IFT122: variants seen among roughly 807,000 people sequenced by gnomAD.
IFT122 encodes intraflagellar transport 122.
In IFT122, 118 loss-of-function variants were observed where a neutral mutation model predicts 161.6. The ratio of observed to expected loss-of-function variants is 0.73; its 90% CI spans 0.63 to 0.85. The LOEUF is 0.85. IFT122 is among the 40% of genes least tolerant of loss of function. The probability of loss-of-function intolerance (pLI) is 0.00; values close to 1 mark genes in which losing one functional copy is unlikely to be tolerated. For missense variants in IFT122, 1,381 were observed against 1,579.6 expected (o/e 0.87, Z 2.13); for synonymous variants, 550 against 602.4 (o/e 0.91, Z 1.27).
intron 3 of IFT122, among the ~76,000 whole-genome samples, chr3:129,456,665 C>G (rs1473607808): frequency 6.6e-6 from 1 of 151,762 alleles, no homozygotes; most frequent in African/African-American, 2.4e-5. Flanking sequence ...TGACTCATGC[C>G]TGTAATCACA....
At position 129,488,260 on chromosome 3, in the gene IFT122, G is replaced by T; in HGVS notation, c.1855G>T (p.Ala619Ser). Reference sequence around the variant, plus strand: ...TTCCCTTGATGAAATCCTGCAGTCCGCTCCCATGTACCAGTACCTGGATAG... The same window carrying T: ...TTCCCTTGATGAAATCCTGCAGTCCTCTCCCATGTACCAGTACCTGGATAG... ...SISAVEVPQS[A>S]PMYQYLDRKL... The change falls in exon 16 of 30, where the codon GCT (alanine) becomes TCT (serine). Residue 619 changes from alanine (A) to serine (S), a missense_variant. By Grantham distance (99) the Ala-to-Ser change is moderately conservative. Around this residue, in one of 7 missense-constraint regions of IFT122, gnomAD observed 544 missense variants for 648.0 expected, o/e 0.84. Transcript: ENST00000348417. The T allele has an allele frequency of 6.2e-7, 1 of 1,614,056 alleles. No individual in the cohort carries two copies. The highest frequency in any genetic ancestry group is 8.5e-7 in the Non-Finnish European group (1 of 1,180,012).
chr3:129,486,919 G>A (rs930527040), intron 15 of IFT122, among the ~76,000 whole-genome samples: 3 of 152,198 alleles, frequency 2.0e-5, no homozygotes, highest in African/African-American at 7.2e-5. Context: ...CCCGCTAAAG[G>A]GAGCATTTAA....
At chr3:129,462,007 TGAG>T (rs547446076) in intron 5 of IFT122, among the ~76,000 whole-genome samples, 291 of 152,294 alleles carry the variant, frequency 1.9e-3, no homozygotes, top group African/African-American at 6.8e-3. Context: ...AGTCACTAGA[TGAG>T]GAGTCAGAGG....
chr3:129,444,800 G>A (rs56769711), intron 1 of IFT122, among the ~76,000 whole-genome samples: 5,798 of 152,226 alleles, frequency 0.038, 334 homozygotes, highest in African/African-American at 0.12. Flanking sequence ...GATTATAGGC[G>A]TGAGCCACCA....
chr3:129,464,904 T>C lies in IFT122; in HGVS notation c.563+123T>C, dbSNP rs2108121011. 6.4e-6 allele frequency: 7 copies of C among 1,091,824 alleles called. No individual in the cohort carries two copies. The South Asian group carries it at 8.0e-5, about 12-fold the overall frequency. 67.6% of individuals were successfully genotyped at this position (1,091,824 alleles called of 1,614,324 possible). A position where few individuals can be genotyped will look rare whatever the true frequency, so the allele number is the denominator to read the frequency against. On this transcript the variant is annotated intron_variant, in intron 7 of 29. Transcript: ENST00000348417. Reference sequence around the variant, plus strand: ...CACTTGAATGGTCTGTTTTAGAACCTGTCCCATTTGTATGGATTTTTTTTT... The same window carrying C: ...CACTTGAATGGTCTGTTTTAGAACCCGTCCCATTTGTATGGATTTTTTTTT...
In IFT122 at chr3:129,467,031, A is replaced by C. The variant is rs763131383; in HGVS notation, c.705A>C (p.Pro235=). The change falls in exon 8 of 30, where the codon CCA becomes CCC. Residue 235 remains proline, a synonymous_variant. Transcript: ENST00000348417. ...GTAGTGAGGCAGAGGAGGAAGAACCAGAGGAAGAGGACGACAGTCCCAGGG... is the reference window on the plus strand; with the variant it reads ...GTAGTGAGGCAGAGGAGGAAGAACCCGAGGAAGAGGACGACAGTCCCAGGG... The part of the protein sequence containing the change: ...SQGSEAEEEE[P]EEEDDSPRDD... 6.2e-7 allele frequency: 1 copy of C among 1,614,208 alleles called. No individual in the cohort carries two copies. The highest frequency in any genetic ancestry group is 2.2e-5 in the East Asian group (1 of 44,888).
chr3:129,478,182 C>T lies in IFT122; in HGVS notation c.1314C>T (p.Leu438=), dbSNP rs909018249. 1 of 1,614,188 alleles carries T rather than the reference C, an allele frequency of 6.2e-7. No individual in the cohort carries two copies. Among genetic ancestry groups the T allele is most frequent in the South Asian group, 1.1e-5 (1 of 91,078 alleles). ...TTATCAAGAAGTTTGAGTGCAACCT[C>T]CTGGTGGTGTGTGCCAATCACATCA... The part of the protein sequence containing the change: ...EKIIKKFECN[L]LVVCANHIIL... The change falls in exon 12 of 30, where the codon CTC becomes CTT. Residue 438 remains leucine, a synonymous_variant. Transcript: ENST00000348417.
intron 22 of IFT122, among the ~76,000 whole-genome samples, chr3:129,506,883 G>A (rs905610329): frequency 1.2e-4 from 19 of 152,188 alleles, no homozygotes; most frequent in African/African-American, 3.6e-4. Context: ...GAAGATGAAC[G>A]AGAGATGGCT....
intron 20 of IFT122, 156 bp from the exon 21 acceptor site, chr3:129,504,163 G>T: frequency 9.6e-5 from 59 of 617,560 alleles, no homozygotes; most frequent in Middle Eastern, 4.6e-4. Context: ...ATTTGTTTTT[G>T]CATTTCTGTG....
At chr3:129,471,468 G>T (rs1391025247) in intron 9 of IFT122, among the ~76,000 whole-genome samples, 2 of 152,158 alleles carry the variant, frequency 1.3e-5, no homozygotes, top group African/African-American at 2.4e-5. Flanking sequence ...CGAGGCACTG[G>T]ATGTGGGTAC....
In IFT122 at chr3:129,463,564, G is replaced by T. The variant is rs1445139408; in HGVS notation, c.354G>T (p.Leu118Phe). 6.2e-7 allele frequency: 1 copy of T among 1,613,482 alleles called. No individual in the cohort carries two copies. The highest frequency in any genetic ancestry group is 1.3e-5 in the African/African-American group (1 of 74,908). The part of the protein sequence containing the change: ...LASCSSSDFG[L>F]WSPEQKSVSK... ...TTATATTATTGTGCATTGAAGGGTT[G>T]TGGTCTCCTGAACAGAAGTCTGTCT... The change falls in exon 6 of 30, where the codon TTG becomes TTT. Residue 118 changes from leucine to phenylalanine, a missense_variant. By Grantham distance (22) the Leu-to-Phe change is conservative. Around this residue, in one of 7 missense-constraint regions of IFT122, gnomAD observed 3 missense variants for 18.8 expected, o/e 0.16. Transcript: ENST00000348417.
chr3:129,477,995 A>T (rs1423957905), intron 11 of IFT122, 21 bp from the exon 12 acceptor site: 1 of 1,603,738 alleles, frequency 6.2e-7, no homozygotes, highest in Non-Finnish European at 8.5e-7. Context: ...TGCTAGAACT[A>T]GATATTTTTT....
chr3:129,476,131 A>G (rs2077915160), intron 9 of IFT122, 184 bp from the exon 10 acceptor site: 4 of 667,732 alleles, frequency 6.0e-6, no homozygotes, highest in Non-Finnish European at 1.1e-5. Flanking sequence ...GTAGAGGATG[A>G]GTAGGGAGAT....
intron 13 of IFT122, among the ~76,000 whole-genome samples, chr3:129,481,190 C>T (rs975883808): frequency 3.3e-5 from 5 of 152,128 alleles, no homozygotes; most frequent in African/African-American, 7.2e-5. Context: ...TGTGTTAGTT[C>T]GTGACTCAGA....
intron 3 of IFT122, among the ~76,000 whole-genome samples, chr3:129,455,462 T>G (rs917035366): frequency 6.6e-6 from 1 of 152,164 alleles, no homozygotes; most frequent in Non-Finnish European, 1.5e-5. Context: ...TGAACCACCA[T>G]GCCTGGCCCA....
chr3:129,464,601 C>G (rs780092665), intron 6 of IFT122, 34 bp from the exon 7 acceptor site: 2 of 1,614,012 alleles, frequency 1.2e-6, no homozygotes, highest in South Asian at 2.2e-5. Context: ...GGTGCTTCCC[C>G]TATCCCCATG....
chr3:129,444,769 C>T (rs1234546625), intron 1 of IFT122, among the ~76,000 whole-genome samples: 2 of 152,284 alleles, frequency 1.3e-5, no homozygotes, highest in African/African-American at 4.8e-5. Flanking sequence ...ATCTGCCTGC[C>T]TCGGCCTCCC....
chr3:129,468,047 T>G (rs751459079), intron 8 of IFT122, among the ~76,000 whole-genome samples: 2 of 152,256 alleles, frequency 1.3e-5, no homozygotes, highest in Non-Finnish European at 2.9e-5. Context: ...ACTGGTGGGC[T>G]GGGCTCCTGG....
At position 129,476,485 on chromosome 3, in the gene IFT122, G is replaced by A; in HGVS notation, c.987G>A (p.Ala329=). 7 of 1,614,140 alleles carry A rather than the reference G, an allele frequency of 4.3e-6. No individual in the cohort carries two copies. The South Asian group carries it at 4.4e-5, about 10-fold the overall frequency. Residue 329 remains alanine (A), a synonymous_variant, in exon 10 of 30, where the codon GCG becomes GCA. Transcript: ENST00000348417. ...ACTCCTGGGTGTGGACGTGTCAAGC[G>A]AAACCGGATTCCAACTATGTGGTAA... The part of the protein sequence containing the change: ...EQNSWVWTCQ[A]KPDSNYVVVG...
Sources: allele counts gnomAD v4.1 joint callset (sites outside exome capture counted in the v4.1 genomes callset), GRCh38; gene constraint gnomAD v4.1.1; regional missense constraint gnomAD v4.1.1; transcripts MANE v1.5; gene names NCBI Gene and HGNC (gene_info 2026-07-23, HGNC 2026-07-21).